ZNF227: variants seen among roughly 807,000 people sequenced by gnomAD.
The protein encoded by ZNF227 is zinc finger protein 227.
Under a neutral mutation model 13.2 loss-of-function variants are expected in ZNF227, and 12 were observed. The ratio of observed to expected loss-of-function variants is 0.91; its 90% CI spans 0.58 to 1.47. ZNF227 has a LOEUF of 1.47. ZNF227 is among the 40% of genes most tolerant of loss of function. The probability of loss-of-function intolerance (pLI) is 0.00; values close to 1 mark genes in which losing one functional copy is unlikely to be tolerated. For synonymous variants in ZNF227, 338 were observed against 326.0 expected (o/e 1.04, Z -0.40); for missense variants, 885 against 967.5 (o/e 0.91, Z 1.13).
In ZNF227 at chr19:44,236,412, A is replaced by G. The variant is rs1352289578; in HGVS notation, c.1982A>G (p.Lys661Arg). 15 of 1,613,386 alleles carry G rather than the reference A, an allele frequency of 9.3e-6. No homozygotes were observed. Among genetic ancestry groups the G allele is most frequent in the Non-Finnish European group, 1.3e-5 (15 of 1,179,886 alleles). Residue 661 changes from lysine to arginine, a missense_variant, in exon 6 of 6, where the codon AAA becomes AGA. Coordinates refer to ENST00000313040, the MANE Select transcript of ZNF227 (RefSeq NM_182490.3). ...QRVHTGEKPY[K>R]CDVCGKGFRY... Reference sequence around the variant, plus strand: ...GTCCACACGGGGGAAAAGCCATACAAATGTGATGTGTGTGGAAAGGGCTTT... The same window carrying G: ...GTCCACACGGGGGAAAAGCCATACAGATGTGATGTGTGTGGAAAGGGCTTT...
intron 3 of ZNF227, chr19:44,227,231 A>G (rs1390664144): frequency 6.6e-6 from 1 of 152,144 alleles, no homozygotes; most frequent in Non-Finnish European, 1.5e-5. Context: ...TTTATGATCT[A>G]TTTATTTTAA....
At chr19:44,219,300 C>A (rs1972208453) in intron 3 of ZNF227, among the ~76,000 whole-genome samples, 1 of 152,172 alleles carries the variant, frequency 6.6e-6, no homozygotes, top group South Asian at 2.1e-4. Context: ...CGTAGATGCT[C>A]AAGCACAGTT....
At chr19:44,229,475 G>T (rs1419845467) in intron 4 of ZNF227, among the ~76,000 whole-genome samples, 1 of 152,140 alleles carries the variant, frequency 6.6e-6, no homozygotes, top group Non-Finnish European at 1.5e-5. Flanking sequence ...AGCCGGGTGT[G>T]GTGGCAGGTG....
At chr19:44,225,535 A>G (rs1299497623) in intron 3 of ZNF227, among the ~76,000 whole-genome samples, 1 of 152,082 alleles carries the variant, frequency 6.6e-6, no homozygotes, top group East Asian at 1.9e-4. Flanking sequence ...CATCACTGAT[A>G]CCCTTTCTTC....
At chr19:44,229,653 G>A in intron 4 of ZNF227, 80 bp from the exon 5 acceptor site, 1 of 795,230 alleles carries the variant, frequency 1.3e-6, no homozygotes, top group Non-Finnish European at 1.9e-6. Flanking sequence ...TATAGAGGTT[G>A]TGAGGCTTAT....
intron 2 of ZNF227, chr19:44,217,388 T>G (rs926310210): frequency 2.4e-5 from 11 of 465,250 alleles, no homozygotes; most frequent in African/African-American, 2.0e-4. Context: ...GAGGTACGAT[T>G]TATGATTCTT....
intron 2 of ZNF227, among the ~76,000 whole-genome samples, chr19:44,215,152 C>T (rs563025244): frequency 2.7e-5 from 4 of 150,470 alleles, no homozygotes; most frequent in African/African-American, 9.7e-5. Flanking sequence ...TTAAAGCATA[C>T]GCCAGACATC....
chr19:44,212,280 C>T (rs1015683814), upstream of ZNF227, among the ~76,000 whole-genome samples: 3 of 151,920 alleles, frequency 2.0e-5, no homozygotes, highest in Non-Finnish European at 4.4e-5. Context: ...CAGCAATAAG[C>T]CGTGAAGAGG....
chr19:44,234,817 G>A lies in ZNF227; in HGVS notation c.387G>A (p.Arg129=), dbSNP rs940801750. 2 of 1,613,982 alleles carry A rather than the reference G, an allele frequency of 1.2e-6. No individual in the cohort carries two copies. The highest frequency in any genetic ancestry group is 2.7e-5 in the African/African-American group (2 of 74,906). Residue 129 remains arginine (R), a synonymous_variant, in exon 6 of 6, where the codon AGG becomes AGA. Coordinates refer to ENST00000313040, the MANE Select transcript of ZNF227 (RefSeq NM_182490.3). ...IWKQVASELT[R]CLQGKSSQLL... is the part of the protein sequence containing the mutation. ...AACAGGTTGCAAGTGAATTAACCAG[G>A]TGTCTTCAGGGGAAGAGTTCCCAGT...
intron 5 of ZNF227, 21 bp from the exon 6 acceptor site, chr19:44,234,681 G>A: frequency 6.4e-7 from 1 of 1,551,744 alleles, no homozygotes; most frequent in Non-Finnish European, 8.7e-7. Context: ...TCTAAATATT[G>A]CCTTTTTTCT....
At chr19:44,226,442 A>T (rs1038566000) in intron 3 of ZNF227, among the ~76,000 whole-genome samples, 2 of 152,192 alleles carry the variant, frequency 1.3e-5, no homozygotes, top group African/African-American at 4.8e-5. Context: ...TCGAGCTTCC[A>T]GGCTGCTTTG....
chr19:44,226,851 AC>A (rs1422308969), intron 3 of ZNF227, among the ~76,000 whole-genome samples: 1 of 152,012 alleles, frequency 6.6e-6, no homozygotes, highest in East Asian at 1.9e-4. Context: ...TGCAGAAATC[AC>A]CCGTCTTCTG....
chr19:44,220,005 C>T (rs887521328), intron 3 of ZNF227, among the ~76,000 whole-genome samples: 10 of 151,928 alleles, frequency 6.6e-5, no homozygotes, highest in African/African-American at 2.4e-4. Flanking sequence ...TGTTCAATTC[C>T]CACCTATGAG....
intron 5 of ZNF227, among the ~76,000 whole-genome samples, chr19:44,230,947 A>G (rs1043208441): frequency 7.4e-6 from 1 of 136,032 alleles, no homozygotes; most frequent in Non-Finnish European, 1.5e-5. Context: ...ATATATATAT[A>G]TATATATCTT....
At position 44,229,729 on chromosome 19, in the gene ZNF227, A is replaced by G. The variant is rs746819347; in HGVS notation, c.188-4A>G. ...TAAATACATAAAAATCTACATTTTC[A>G]TAGGGCATCTTCCCTTCCAACCAGA... On this transcript the variant is annotated splice_region_variant and splice_polypyrimidine_tract_variant and intron_variant, in intron 4 of 5. Transcript: ENST00000313040. 12 of 1,561,210 alleles carry G rather than the reference A, an allele frequency of 7.7e-6. No homozygotes were observed. Among genetic ancestry groups the G allele is most frequent in the Non-Finnish European group, 1.0e-5 (12 of 1,149,262 alleles).
chr19:44,222,374 A>G (rs1364095208), intron 3 of ZNF227, among the ~76,000 whole-genome samples: 1 of 151,988 alleles, frequency 6.6e-6, no homozygotes, highest in Non-Finnish European at 1.5e-5. Flanking sequence ...TTTTCACGAT[A>G]TTGATTCTTC....
chr19:44,234,302 T>C (rs972426046), intron 5 of ZNF227, among the ~76,000 whole-genome samples: 1 of 152,258 alleles, frequency 6.6e-6, no homozygotes, highest in Non-Finnish European at 1.5e-5. Flanking sequence ...TGAACTTTTC[T>C]TAACCTAACT....
At position 44,236,433 on chromosome 19, in the gene ZNF227, G is replaced by C; in HGVS notation, c.2003G>C (p.Gly668Ala). Reference protein sequence around the residue: ...KPYKCDVCGKGFRYSSQFIYH... With the variant: ...KPYKCDVCGKAFRYSSQFIYH... The stretch of plus-strand genomic sequence containing the variant: ...TACAAATGTGATGTGTGTGGAAAGG[G>C]CTTTAGATACAGTTCGCAGTTTATA... Residue 668 changes from glycine (G) to alanine (A), a missense_variant, in exon 6 of 6, where the codon GGC (glycine) becomes GCC (alanine). Transcript: ENST00000313040. 1.9e-6 allele frequency: 3 copies of C among 1,612,778 alleles called. No homozygotes were observed. The highest frequency in any genetic ancestry group is 2.5e-6 in the Non-Finnish European group (3 of 1,179,700).
rs759327791 is a variant in ZNF227 at position 44,236,505 on chromosome 19, AGT to A, written c.2079_2080del (p.Cys693TrpfsTer6). ...GGAGAAAAACCTTACAAATGTGAAG[AGT>A]GTGGGAAAGGCTTTGGTAGGAGCTT... On this transcript the variant is annotated frameshift_variant, in exon 6 of 6. Coordinates refer to ENST00000313040, the MANE Select transcript of ZNF227 (RefSeq NM_182490.3). LOFTEE classifies it low-confidence loss of function (END_TRUNC). 1 of 1,613,376 alleles carries A rather than the reference AGT, an allele frequency of 6.2e-7. No individual in the cohort carries two copies. Among genetic ancestry groups the A allele is most frequent in the Admixed American group, 1.7e-5 (1 of 59,944 alleles).
Sources: allele counts gnomAD v4.1 joint callset (sites outside exome capture counted in the v4.1 genomes callset), GRCh38; gene constraint gnomAD v4.1.1; transcripts MANE v1.5; gene names NCBI Gene and HGNC (gene_info 2026-07-23, HGNC 2026-07-21).